Variants in AKAP13 observed in about 807,000 individuals in gnomAD.
The protein encoded by AKAP13 is A-kinase anchoring protein 13.
Under a neutral mutation model 264.5 loss-of-function variants are expected in AKAP13, and 80 were observed. The ratio of observed to expected loss-of-function variants is 0.30; its 90% CI spans 0.25 to 0.36. AKAP13 has a LOEUF of 0.36. Among genes scored for constraint, AKAP13 ranks in the 10% least tolerant of loss-of-function variants. The pLI, the probability that AKAP13 is intolerant of heterozygous loss-of-function variation, is 1.00. For missense variants in AKAP13, 3,712 were observed against 3,435.2 expected (o/e 1.08, Z -2.01); for synonymous variants, 1,380 against 1,250.2 (o/e 1.10, Z -2.19).
At chr15:85,682,882 G>T (rs907188686) in intron 15 of AKAP13, among the ~76,000 whole-genome samples, 1 of 152,072 alleles carries the variant, frequency 6.6e-6, no homozygotes, top group African/African-American at 2.4e-5. Context: ...GGTCAGGCAG[G>T]TCTCAAACTC....
At chr15:85,465,414 A>T (rs2074694000) in intron 1 of AKAP13, among the ~76,000 whole-genome samples, 1 of 151,314 alleles carries the variant, frequency 6.6e-6, no homozygotes, top group Admixed American at 6.6e-5. Context: ...GGTTAGTTAC[A>T]TATGTATACA....
chr15:85,710,338 T>C (rs2086570873), intron 18 of AKAP13: 1 of 394,102 alleles, frequency 2.5e-6, no homozygotes, highest in Admixed American at 4.2e-5. Context: ...AGGGGAAGAA[T>C]GCCATGCTTC....
chr15:85,692,939 G>C (rs1481371726), intron 16 of AKAP13, among the ~76,000 whole-genome samples: 1 of 152,146 alleles, frequency 6.6e-6, no homozygotes, highest in Non-Finnish European at 1.5e-5. Flanking sequence ...TGTGGACTGT[G>C]CTGTAGCTTG....
At chr15:85,550,959 G>A (rs2077941670) in intron 5 of AKAP13, among the ~76,000 whole-genome samples, 1 of 152,276 alleles carries the variant, frequency 6.6e-6, no homozygotes, top group African/African-American at 2.4e-5. Context: ...TGCTTTACTT[G>A]CGTTTTCATT....
intron 5 of AKAP13, among the ~76,000 whole-genome samples, chr15:85,573,297 G>C (rs914077101): frequency 1.3e-5 from 2 of 152,068 alleles, no homozygotes; most frequent in Non-Finnish European, 2.9e-5. Context: ...CTGTGATATA[G>C]GTTGGGAGGC....
intron 8 of AKAP13, among the ~76,000 whole-genome samples, chr15:85,597,510 C>T (rs948726722): frequency 1.3e-5 from 2 of 152,210 alleles, no homozygotes; most frequent in Non-Finnish European, 2.9e-5. Context: ...TTAATCCTTA[C>T]TCCCCATACA....
At chr15:85,446,754 A>T (rs1369505399) in intron 1 of AKAP13, among the ~76,000 whole-genome samples, 26 of 138,706 alleles carry the variant, frequency 1.9e-4, no homozygotes, top group African/African-American at 6.3e-4. Context: ...TGTGTTGTCC[A>T]GGCTTTCCAG....
At position 85,710,640 on chromosome 15, in the gene AKAP13, A is replaced by ACAAGCT; in HGVS notation, c.5599_5599+1insTCAAGC (p.Lys1866_Pro1867insLeuLys). Reference sequence around the variant, plus strand: ...TCACTGCCCACGGTCATTATGAGAAACAAGCGTAAGTAGCTCAGCCCACCT... The same window carrying ACAAGCT: ...TCACTGCCCACGGTCATTATGAGAAACAAGCTCAAGCGTAAGTAGCTCAGCCCACCT... On this transcript the variant is annotated inframe_insertion, in exon 19 of 37. Transcript: ENST00000394518. The ACAAGCT allele has an allele frequency of 7.4e-6, 12 of 1,613,808 alleles. No homozygotes were observed. The highest frequency in any genetic ancestry group is 1.0e-5 in the Non-Finnish European group (12 of 1,179,848).
At chr15:85,725,011 GA>G (rs1360428672) in intron 26 of AKAP13, among the ~76,000 whole-genome samples, 14 of 152,312 alleles carry the variant, frequency 9.2e-5, no homozygotes, top group Middle Eastern at 6.8e-3. Context: ...TGGCAGTTCA[GA>G]AATACCTGCC....
chr15:85,742,098 GAA>G (rs1175728638), intron 35 of AKAP13, among the ~76,000 whole-genome samples: 1 of 152,248 alleles, frequency 6.6e-6, no homozygotes. Flanking sequence ...GGCAGAGGCA[GAA>G]AGTCTTCTTC....
chr15:85,511,191 C>G (rs968170817), intron 2 of AKAP13, among the ~76,000 whole-genome samples: 1 of 152,018 alleles, frequency 6.6e-6, no homozygotes, highest in Non-Finnish European at 1.5e-5. Context: ...TTTGCTGATC[C>G]TCTCTTCTCT....
chr15:85,448,915 A>T lies in AKAP13; in HGVS notation c.-11-36795A>T, dbSNP rs183513982. On this transcript the variant is annotated intron_variant, in intron 1 of 36. Transcript: ENST00000394518. ...CCTCAGGTTCCATATAATTAAAAAA[A>T]TTTTTTTTTCTAGTTCTGTGAAGAA... Among the ~76,000 whole-genome samples, 1,120 of 150,014 alleles carry T rather than the reference A, an allele frequency of 7.5e-3. 23 individuals carry two copies. Among genetic ancestry groups the T allele is most frequent in the African/African-American group, 0.026 (1,055 of 40,912 alleles).
chr15:85,609,620 G>A (rs1409304818), intron 8 of AKAP13, among the ~76,000 whole-genome samples: 3 of 152,210 alleles, frequency 2.0e-5, no homozygotes, highest in Non-Finnish European at 4.4e-5. Flanking sequence ...ATACCCAGTA[G>A]TGGGATTCCT....
chr15:85,469,533 A>C (rs553509075), intron 1 of AKAP13, among the ~76,000 whole-genome samples: 5 of 152,324 alleles, frequency 3.3e-5, no homozygotes, highest in African/African-American at 1.2e-4. Context: ...ATCTGGAGTC[A>C]TCATTTGCAG....
At chr15:85,630,982 A>G (rs1031613350) in intron 8 of AKAP13, among the ~76,000 whole-genome samples, 6 of 152,078 alleles carry the variant, frequency 3.9e-5, no homozygotes, top group Non-Finnish European at 8.8e-5. Context: ...TAGCAGCATC[A>G]TTCGTCACAG....
At chr15:85,717,729 G>C (rs1275137746) in intron 21 of AKAP13, among the ~76,000 whole-genome samples, 2 of 152,186 alleles carry the variant, frequency 1.3e-5, no homozygotes, top group African/African-American at 2.4e-5. Context: ...AAAGGTACCA[G>C]GTCCCTTCCA....
intron 1 of AKAP13, among the ~76,000 whole-genome samples, chr15:85,446,292 C>T (rs1351801893): frequency 6.6e-6 from 1 of 151,992 alleles, no homozygotes; most frequent in Non-Finnish European, 1.5e-5. Flanking sequence ...GTGAGGACAA[C>T]GACTTGGGCA....
intron 5 of AKAP13, among the ~76,000 whole-genome samples, chr15:85,550,399 C>A (rs745489642): frequency 2.0e-5 from 3 of 152,210 alleles, no homozygotes; most frequent in Non-Finnish European, 4.4e-5. Flanking sequence ...TCATGATTTA[C>A]TGTAGTGGGC....
chr15:85,584,316 C>T (rs1344126407), intron 7 of AKAP13, among the ~76,000 whole-genome samples: 1 of 152,186 alleles, frequency 6.6e-6, no homozygotes, highest in Non-Finnish European at 1.5e-5. Flanking sequence ...AGGCTGCCGA[C>T]ACCCGTCAAG....
Sources: gnomAD v4.1 joint callset for allele counts (sites outside exome capture counted in the v4.1 genomes callset) on GRCh38, gnomAD v4.1.1 for gene constraint, MANE v1.5 for transcripts, NCBI Gene and HGNC (gene_info 2026-07-23, HGNC 2026-07-21) for gene names.